CRYBG2: variants seen among roughly 807,000 people sequenced by gnomAD.
CRYBG2 encodes crystallin beta-gamma domain containing 2.
CRYBG2 carries 106 observed loss-of-function variants against 153.4 expected under a neutral mutation model. The ratio of observed to expected loss-of-function variants is 0.69; its 90% CI spans 0.59 to 0.81. The LOEUF (loss-of-function observed/expected upper bound fraction) is 0.81, where lower values mean the gene tolerates loss of function less well. Among genes scored for constraint, CRYBG2 ranks in the 30% least tolerant of loss-of-function variants. The pLI is 0.00. For missense variants in CRYBG2, 1,996 were observed against 2,112.0 expected, an observed-to-expected ratio of 0.95 and a Z score of 1.08; for synonymous variants, 851 against 877.8, an observed-to-expected ratio of 0.97 and a Z score of 0.54.
chr1:26,327,417 G>A (rs1261378667), intron 17 of CRYBG2, among the ~76,000 whole-genome samples: 3 of 151,844 alleles, frequency 2.0e-5, no homozygotes, highest in African/African-American at 7.3e-5. Context: ...GCAGTGAGCC[G>A]AGATCACGCC....
intron 14 of CRYBG2, among the ~76,000 whole-genome samples, chr1:26,334,520 G>A (rs1279225633): frequency 6.6e-6 from 1 of 152,094 alleles, no homozygotes; most frequent in Non-Finnish European, 1.5e-5. Flanking sequence ...TGTATATTAG[G>A]TTGGTGACAT....
Position 26,344,542 on chromosome 1 carries a change from G to A in CRYBG2, c.2116C>T (p.Pro706Ser). 6.5e-7 allele frequency: 1 copy of A among 1,545,320 alleles called. No individual in the cohort carries two copies. The highest frequency in any genetic ancestry group is 2.4e-5 in the East Asian group (1 of 40,926). The change falls in exon 2 of 20, where the codon CCT becomes TCT. Residue 706 changes from proline (P) to serine (S), a missense_variant. By Grantham distance (74) the Pro-to-Ser change is moderately conservative. Transcript: ENST00000308182. Reference sequence around the variant, plus strand: ...CTGTCCACTGAGGAAGATGGGGCAGGGAGAGCATCAGGGTCCTGCACAACC... The same window carrying A: ...CTGTCCACTGAGGAAGATGGGGCAGAGAGAGCATCAGGGTCCTGCACAACC... ...KEVVQDPDAL[P>S]APSSSVDRVS... is the part of the protein sequence containing the mutation.
At position 26,336,040 on chromosome 1, in the gene CRYBG2, T is replaced by C; in HGVS notation, c.4184+55A>G. 7.4e-7 allele frequency: 1 copy of C among 1,344,390 alleles called. No individual in the cohort carries two copies. Among genetic ancestry groups the C allele is most frequent in the Non-Finnish European group, 9.9e-7 (1 of 1,005,168 alleles). 83.3% of individuals were successfully genotyped at this position (1,344,390 alleles called of 1,614,324 possible). ...GAAATCATTTGAAAGACTCTCCTCC[T>C]GCAGCCCCGCCTCTGCCCCAGCGCC... is the stretch of plus-strand genomic sequence containing the variant. On this transcript the variant is annotated intron_variant, in intron 14 of 19. Transcript: ENST00000308182. The surrounding 1 kb of genome is among the most constrained non-coding windows in gnomAD (Gnocchi z 4.9).
intron 15 of CRYBG2, among the ~76,000 whole-genome samples, chr1:26,329,590 C>T (rs1382414041): frequency 6.6e-6 from 1 of 151,548 alleles, no homozygotes; most frequent in African/African-American, 2.4e-5. Flanking sequence ...AGCAATCCTC[C>T]CACCTCAGCC....
In CRYBG2 at chr1:26,327,491, A is replaced by C. The variant is rs55938070; in HGVS notation, c.4578+718T>G. ...TCAAAAAACAAAAAACAAAAAAAAA[A>C]ACCAAAAATTAGCCAGATGTGGTGG... On this transcript the variant is annotated intron_variant, in intron 17 of 19. Transcript: ENST00000308182. Among the ~76,000 whole-genome samples the C allele has an allele frequency of 4.3e-4, 60 of 138,798 alleles. No homozygotes were observed. In the East Asian group the frequency reaches 7.2e-3, roughly 17 times the overall value. 91.1% of individuals were successfully genotyped at this position (138,798 alleles called of 152,430 possible). A position where few individuals can be genotyped will look rare whatever the true frequency, so the allele number is the denominator to read the frequency against.
intron 15 of CRYBG2, 42 bp downstream of exon 15, chr1:26,331,447 T>C: frequency 6.3e-7 from 1 of 1,594,992 alleles, no homozygotes; most frequent in African/African-American, 1.3e-5. Context: ...CAGCAGCAAC[T>C]TCTGCTTCCG....
chr1:26,322,096 A>G (rs1209912042), intron 19 of CRYBG2, 40 bp from the exon 20 acceptor site: 1 of 1,598,972 alleles, frequency 6.3e-7, no homozygotes, highest in Non-Finnish European at 8.6e-7. Flanking sequence ...GGAGATAGTC[A>G]GAGAGAGCTG....
Position 26,346,257 on chromosome 1 carries a change from C to A in CRYBG2, c.401G>T (p.Cys134Phe), listed in dbSNP as rs2074219078. 6.3e-7 allele frequency: 1 copy of A among 1,585,438 alleles called. No homozygotes were observed. Among genetic ancestry groups the A allele is most frequent in the Admixed American group, 1.7e-5 (1 of 58,542 alleles). The change falls in exon 2 of 20, where the codon TGT (cysteine) becomes TTT (phenylalanine). Residue 134 changes from cysteine (C) to phenylalanine (F), a missense_variant. Transcript: ENST00000308182. The surrounding 1 kb of genome is among the most constrained non-coding windows in gnomAD (Gnocchi z 4.9). ...SRQAPRTEPP[C>F]VGAMARTELL... ...CTCAGTCCTGGCCATAGCTCCCACA[C>A]ATGGGGGCTCAGTCCTGGGAGCTTG...
Position 26,343,847 on chromosome 1 carries a change from C to T in CRYBG2, c.2811G>A (p.Gly937=). 6.8e-7 allele frequency: 1 copy of T among 1,478,498 alleles called. No individual in the cohort carries two copies. The highest frequency in any genetic ancestry group is 9.0e-7 in the Non-Finnish European group (1 of 1,111,596). 91.6% of individuals were successfully genotyped at this position (1,478,498 alleles called of 1,614,324 possible). ...CTGGCACCTTCCTGAGCCCCGGTGC[C>T]CCATGGGGCAGCAGAGCAGATAGTT... is the stretch of plus-strand genomic sequence containing the variant. ...GTKLSALLPH[G]APGLRKVPGQ... The change falls in exon 2 of 20, where the codon GGG becomes GGA. Residue 937 remains glycine, a synonymous_variant. Transcript: ENST00000308182. The surrounding 1 kb of genome is among the most constrained non-coding windows in gnomAD (Gnocchi z 4.1).
chr1:26,353,373 T>C (rs1273788788), intron 1 of CRYBG2, among the ~76,000 whole-genome samples: 1 of 152,138 alleles, frequency 6.6e-6, no homozygotes. Flanking sequence ...CATCCCTCCT[T>C]GATGAGCTTT....
At chr1:26,337,031 T>C in intron 10 of CRYBG2, 51 bp from the exon 11 acceptor site, 1 of 1,605,240 alleles carries the variant, frequency 6.2e-7, no homozygotes, top group South Asian at 1.1e-5. Context: ...CCGAAACCCC[T>C]GGGAGTGCCC....
rs1313976237 is a variant in CRYBG2, at chr1:26,336,467, CGGCCCCGCCCCCTTCTAA to C, written c.4039-115_4039-98del. 6 of 1,553,046 alleles carry C rather than the reference CGGCCCCGCCCCCTTCTAA, an allele frequency of 3.9e-6. No homozygotes were observed. Among genetic ancestry groups the C allele is most frequent in the East Asian group, 4.9e-5 (2 of 41,074 alleles). Reference sequence around the variant, plus strand: ...ACCGTCCACCCCGCGGCCGCGCCCTCGGCCCCGCCCCCTTCTAAGGCCCCGCCCCAAGCGCCCAGGCAG... The same window carrying C: ...ACCGTCCACCCCGCGGCCGCGCCCTCGGCCCCGCCCCAAGCGCCCAGGCAG... On this transcript the variant is annotated intron_variant, in intron 12 of 19. Transcript: ENST00000308182. This position sits in a 1 kb window ranked among gnomAD's most constrained non-coding sequence, Gnocchi z 4.9.
Position 26,343,524 on chromosome 1 carries a change from C to T in CRYBG2, c.2913+221G>A, listed in dbSNP as rs1156682017. Among the ~76,000 whole-genome samples, 2 of 152,198 alleles carry T rather than the reference C, an allele frequency of 1.3e-5. No individual in the cohort carries two copies. The highest frequency in any genetic ancestry group is 6.5e-5 in the Admixed American group (1 of 15,280). ...TCAGCTCCCAGGATCTTGGAGCCCC[C>T]ACACCCTTTGGAATCCACAGTACAA... is the stretch of plus-strand genomic sequence containing the variant. On this transcript the variant is annotated intron_variant, in intron 2 of 19. Transcript: ENST00000308182. This position sits in a 1 kb window ranked among gnomAD's most constrained non-coding sequence, Gnocchi z 4.1.
chr1:26,345,880 C>G lies in CRYBG2; in HGVS notation c.778G>C (p.Gly260Arg), dbSNP rs761049650. Residue 260 changes from glycine to arginine, a missense_variant, in exon 2 of 20, where the codon GGG (glycine) becomes CGG (arginine). Gly to Arg is a moderately radical substitution (Grantham distance 125, BLOSUM62 -2). Transcript: ENST00000308182. Reference sequence around the variant, plus strand: ...CTGCCCAGACCTGTGCTCCTTGGCCCGCCAGCCGTGGGCCTGGGCAGGTGA... The same window carrying G: ...CTGCCCAGACCTGTGCTCCTTGGCCGGCCAGCCGTGGGCCTGGGCAGGTGA... ...ASHLPRPTAG[G>R]PRSTGLGSTV... The G allele has an allele frequency of 1.3e-6, 2 of 1,597,290 alleles. No individual in the cohort carries two copies. The highest frequency in any genetic ancestry group is 2.2e-5 in the South Asian group (2 of 90,968).
intron 18 of CRYBG2, 29 bp from the exon 19 acceptor site, chr1:26,322,352 G>A (rs151107322): frequency 1.3e-6 from 2 of 1,597,642 alleles, no homozygotes; most frequent in Non-Finnish European, 1.7e-6. Flanking sequence ...ATCAGGCATT[G>A]TTCCTCCCCA....
rs1192885488 is a variant in CRYBG2, at chr1:26,337,342, G to C, written c.3682C>G (p.Gln1228Glu). 1 of 1,614,004 alleles carries C rather than the reference G, an allele frequency of 6.2e-7. No homozygotes were observed. The highest frequency in any genetic ancestry group is 1.1e-5 in the South Asian group (1 of 91,064). ...GYEKEGFRGH[Q>E]YLLEEGEYPD... ...TATTCCCCCTCCTCCAGCAGATACT[G>C]GTGGCCCCGGAAGCCCTCCTTCTCG... Residue 1228 changes from glutamine (Q) to glutamate (E), a missense_variant, in exon 10 of 20, where the codon CAG becomes GAG. Transcript: ENST00000308182.
At position 26,336,564 on chromosome 1, in the gene CRYBG2, C is replaced by T; in HGVS notation, c.4038+42G>A. The T allele has an allele frequency of 6.5e-7, 1 of 1,541,292 alleles. No homozygotes were observed. The highest frequency in any genetic ancestry group is 8.7e-7 in the Non-Finnish European group (1 of 1,142,878). On this transcript the variant is annotated intron_variant, in intron 12 of 19. Transcript: ENST00000308182. This position sits in a 1 kb window ranked among gnomAD's most constrained non-coding sequence, Gnocchi z 4.9. ...GGCGGGGCGCACCCGAACTCCAGGT[C>T]CCGCCACCGGGGAGGCCCCGCCCCC...
Position 26,336,213 on chromosome 1 carries a change from G to A in CRYBG2, c.4072-6C>T, listed in dbSNP as rs1459163015. The A allele has an allele frequency of 1.3e-6, 2 of 1,558,384 alleles. No homozygotes were observed. The highest frequency in any genetic ancestry group is 1.7e-6 in the Non-Finnish European group (2 of 1,149,038). On this transcript the variant is annotated splice_region_variant and splice_polypyrimidine_tract_variant and intron_variant, in intron 13 of 19. Transcript: ENST00000308182. The surrounding 1 kb of genome is among the most constrained non-coding windows in gnomAD (Gnocchi z 4.9). Reference sequence around the variant, plus strand: ...GGGCGGGAGAAAAGCTGAATCTGGAGGCAGAGAGGGGAGATGAGGGGAAGG... The same window carrying A: ...GGGCGGGAGAAAAGCTGAATCTGGAAGCAGAGAGGGGAGATGAGGGGAAGG...
intron 14 of CRYBG2, among the ~76,000 whole-genome samples, chr1:26,335,793 C>A (rs1163376945): frequency 2.0e-5 from 3 of 152,038 alleles, no homozygotes; most frequent in Admixed American, 2.0e-4. Flanking sequence ...GGAAAATGTT[C>A]TTTCATATTA....
Sources: gnomAD v4.1 joint callset for allele counts (sites outside exome capture counted in the v4.1 genomes callset) on GRCh38, gnomAD v4.1.1 for gene constraint, Gnocchi (gnomAD v3.1) non-coding constraint, MANE v1.5 for transcripts, NCBI Gene and HGNC (gene_info 2026-07-23, HGNC 2026-07-21) for gene names.